The following SPATA31C2 variants were observed in gnomAD, a reference collection of about 807,000 sequenced individuals.
SPATA31C2 encodes spermatogenesis-associated protein 31C2.
SPATA31C2 carries 5 observed loss-of-function variants against 11.4 expected under a neutral mutation model. That is an observed-to-expected ratio of 0.44 (90% CI 0.23 to 0.92). The LOEUF is 0.92. Ranked by LOEUF, SPATA31C2 falls within the 40% of genes least tolerant of loss-of-function variation. SPATA31C2 has a pLI of 0.24. For synonymous variants in SPATA31C2, 515 were observed against 538.7 expected (o/e 0.96, Z 0.61); for missense variants, 1,353 against 1,368.6 (o/e 0.99, Z 0.18).
intron 1 of SPATA31C2, 129 bp from the exon 2 acceptor site, chr9:88,133,798 T>TC: frequency 7.4e-7 from 1 of 1,347,330 alleles, no homozygotes; most frequent in Middle Eastern, 1.9e-4. Context: ...GTGTGCTTCC[T>TC]CCCCTCCCAC....
At position 88,130,457 on chromosome 9, in the gene SPATA31C2, C is replaced by G. The variant is rs766798382; in HGVS notation, c.2580G>C (p.Glu860Asp). 1 of 1,613,330 alleles carries G rather than the reference C, an allele frequency of 6.2e-7. No homozygotes were observed. Among genetic ancestry groups the G allele is most frequent in the South Asian group, 1.1e-5 (1 of 91,066 alleles). ...CLMEEAVSEF[E>D]PGKATKSETQ... ...TCTCTGACTTCGTGGCCTTTCCAGG[C>G]TCAAATTCACTAACAGCCTCCTCCA... The change falls in exon 4 of 4, where the codon GAG (glutamate) becomes GAC (aspartate). Residue 860 changes from glutamate to aspartate, a missense_variant. Around this residue, in one of 6 missense-constraint regions of SPATA31C2, gnomAD observed 1,075 missense variants for 992.8 expected, o/e 1.08. Transcript: ENST00000324915.
rs538555577 is a variant in SPATA31C2 at position 88,132,330 on chromosome 9, C to G, written c.707G>C (p.Arg236Pro). 6.2e-7 allele frequency: 1 copy of G among 1,610,864 alleles called. No homozygotes were observed. Among genetic ancestry groups the G allele is most frequent in the East Asian group, 2.2e-5 (1 of 44,702 alleles). The stretch of plus-strand genomic sequence containing the variant: ...AGATGGTGTTAACAGAGTGGAGTCC[C>G]GCAGGGGAGGAGGAGTGAAGCCTTT... ...PPKGFTPPPL[R>P]DSTLLTPSHC... Residue 236 changes from arginine (R) to proline (P), a missense_variant, in exon 4 of 4, where the codon CGG (arginine) becomes CCG (proline). Coordinates refer to ENST00000324915, the MANE Select transcript of SPATA31C2 (RefSeq NM_001350978.3).
In SPATA31C2 at chr9:88,132,427, G is replaced by A. The variant is rs781139576; in HGVS notation, c.610C>T (p.Pro204Ser). The change falls in exon 4 of 4, where the codon CCC (proline) becomes TCC (serine). Residue 204 changes from proline to serine, a missense_variant. Pro to Ser is a moderately conservative substitution (Grantham distance 74). Around this residue, in one of 6 missense-constraint regions of SPATA31C2, gnomAD observed 1,075 missense variants for 992.8 expected, o/e 1.08. Coordinates refer to ENST00000324915, the MANE Select transcript of SPATA31C2 (RefSeq NM_001350978.3). ...TGAGGGAAAAGTGCAGGTGGCTCGG[G>A]TGAGGGATGTTCTAGGAGAAGGGAA... ...EPSLLLEHPS[P>S]EPPALFPHPP... 12 of 1,611,188 alleles carry A rather than the reference G, an allele frequency of 7.4e-6. No individual in the cohort carries two copies. The East Asian group carries it at 2.0e-4, about 27-fold the overall frequency.
chr9:88,129,617 G>C lies in SPATA31C2; in HGVS notation c.*15C>G, dbSNP rs774497697. On this transcript the variant is annotated 3_prime_UTR_variant, in exon 4 of 4. Coordinates refer to ENST00000324915, the MANE Select transcript of SPATA31C2 (RefSeq NM_001350978.3). ...GGCCCCATTGCTCATTGTTGCACCG[G>C]ACACTTTTCAAGGGCTACTGATCTC... 2.5e-6 allele frequency: 4 copies of C among 1,602,610 alleles called. No homozygotes were observed. In the African/African-American group the frequency reaches 4.0e-5, roughly 16 times the overall value.
intron 1 of SPATA31C2, among the ~76,000 whole-genome samples, chr9:88,137,464 A>G (rs1460440499): frequency 6.8e-6 from 1 of 145,990 alleles, no homozygotes; most frequent in African/African-American, 2.5e-5. Flanking sequence ...TCTACTAAAA[A>G]TACAAAAATT....
At chr9:88,133,792 G>T in intron 1 of SPATA31C2, 123 bp from the exon 2 acceptor site, 3 of 1,343,514 alleles carry the variant, frequency 2.2e-6, no homozygotes, top group Non-Finnish European at 3.1e-6. Flanking sequence ...AGCTCTGTGT[G>T]CTTCCTCCCC....
rs753285189 is a variant in SPATA31C2, at chr9:88,130,989, A to G, written c.2048T>C (p.Ile683Thr). ...QLEKVSSLSL[I>T]QLAGPSSDTC... ...GTCTGAGGAGGGACCAGCAAGCTGT[A>G]TAAGGGACAAGGATGAAACCTTTTC... The change falls in exon 4 of 4, where the codon ATA becomes ACA. Residue 683 changes from isoleucine (I) to threonine (T), a missense_variant. Transcript: ENST00000324915. The G allele has an allele frequency of 4.3e-6, 7 of 1,612,488 alleles. No homozygotes were observed. Among genetic ancestry groups the G allele is most frequent in the South Asian group, 3.3e-5 (3 of 91,016 alleles).
chr9:88,135,707 C>T (rs1174858026), intron 1 of SPATA31C2, among the ~76,000 whole-genome samples: 91 of 130,324 alleles, frequency 7.0e-4, no homozygotes, highest in Non-Finnish European at 1.1e-3. Flanking sequence ...TTAGTAGAGA[C>T]GGGGTTTCAC....
In SPATA31C2 at chr9:88,132,644, C is replaced by G. The variant is rs1400111081; in HGVS notation, c.393G>C (p.Glu131Asp). The G allele has an allele frequency of 6.2e-7, 1 of 1,609,048 alleles. No individual in the cohort carries two copies. Among genetic ancestry groups the G allele is most frequent in the African/African-American group, 1.3e-5 (1 of 74,194 alleles). ...GQLSGPDPPG[E>D]VGKRTPDGAS... Reference sequence around the variant, plus strand: ...CTCCATCAGGTGTTCTTTTGCCCACCTCACCTGGCGGGTCTGGACCAGAGA... The same window carrying G: ...CTCCATCAGGTGTTCTTTTGCCCACGTCACCTGGCGGGTCTGGACCAGAGA... Residue 131 changes from glutamate to aspartate, a missense_variant, in exon 4 of 4, where the codon GAG becomes GAC. Glu to Asp is a conservative substitution (Grantham distance 45). Coordinates refer to ENST00000324915, the MANE Select transcript of SPATA31C2 (RefSeq NM_001350978.3).
Position 88,131,877 on chromosome 9 carries a change from T to C in SPATA31C2, c.1160A>G (p.Gln387Arg). ...CTGAGTTTCAGGTAGGGAGAGAGCTTGCACTTTATTCTGCGACGCAGGGCA... is the reference window on the plus strand; with the variant it reads ...CTGAGTTTCAGGTAGGGAGAGAGCTCGCACTTTATTCTGCGACGCAGGGCA... ...VACPASQNKV[Q>R]ALSLPETQHP... The change falls in exon 4 of 4, where the codon CAA becomes CGA. Residue 387 changes from glutamine (Q) to arginine (R), a missense_variant. Physicochemically the swap from Gln to Arg is conservative, Grantham distance 43. This residue lies in a region of SPATA31C2 where 1,075 missense variants were observed against 992.8 expected (regional missense o/e 1.08). Transcript: ENST00000324915. 6.2e-7 allele frequency: 1 copy of C among 1,610,724 alleles called. No individual in the cohort carries two copies. Among genetic ancestry groups the C allele is most frequent in the Non-Finnish European group, 8.5e-7 (1 of 1,178,974 alleles).
intron 1 of SPATA31C2, among the ~76,000 whole-genome samples, chr9:88,135,604 C>T (rs375186558): frequency 2.2e-5 from 3 of 135,324 alleles, no homozygotes; most frequent in East Asian, 2.5e-4. Flanking sequence ...CTCCGCCTCC[C>T]GGGTTCCAGC....
In SPATA31C2 at chr9:88,130,697, G is replaced by A; in HGVS notation, c.2340C>T (p.Ser780=). 1 of 1,613,926 alleles carries A rather than the reference G, an allele frequency of 6.2e-7. No homozygotes were observed. Among genetic ancestry groups the A allele is most frequent in the Non-Finnish European group, 8.5e-7 (1 of 1,179,866 alleles). Residue 780 remains serine (S), a synonymous_variant, in exon 4 of 4, where the codon AGC becomes AGT. Coordinates refer to ENST00000324915, the MANE Select transcript of SPATA31C2 (RefSeq NM_001350978.3). ...SKPLTYSLTG[S]TQQSRSLGAQ... is the part of the protein sequence containing the mutation. ...CTCCTAAGCTCCTGCTCTGCTGGGT[G>A]CTGCCTGTGAGGCTGTATGTGAGGG... is the stretch of plus-strand genomic sequence containing the variant.
rs769903680 is a variant in SPATA31C2 at position 88,131,469 on chromosome 9, T to C, written c.1568A>G (p.Glu523Gly). The change falls in exon 4 of 4, where the codon GAG (glutamate) becomes GGG (glycine). Residue 523 changes from glutamate (E) to glycine (G), a missense_variant. By Grantham distance (98) the Glu-to-Gly change is moderately conservative. This residue lies in a region of SPATA31C2 where 1,075 missense variants were observed against 992.8 expected (regional missense o/e 1.08). Transcript: ENST00000324915. The part of the protein sequence containing the change: ...PCPHLGQILG[E>G]TPQNLSRGME... The stretch of plus-strand genomic sequence containing the variant: ...GCCCCTGGATAGATTTTGTGGGGTC[T>C]CACCCAGAATTTGCCCCAGATGTGG... 1 of 1,611,924 alleles carries C rather than the reference T, an allele frequency of 6.2e-7. No individual in the cohort carries two copies. The highest frequency in any genetic ancestry group is 8.5e-7 in the Non-Finnish European group (1 of 1,179,838).
At chr9:88,136,676 CTTTTT>C (rs1171417608) in intron 1 of SPATA31C2, among the ~76,000 whole-genome samples, 2 of 137,940 alleles carry the variant, frequency 1.4e-5, no homozygotes, top group African/African-American at 5.5e-5. Flanking sequence ...GAGATGTGAT[CTTTTT>C]TTTTTTTTTG....
rs776598006 is a variant in SPATA31C2 at position 88,129,614 on chromosome 9, C to T, written c.*18G>A. The stretch of plus-strand genomic sequence containing the variant: ...GCAGGCCCCATTGCTCATTGTTGCA[C>T]CGGACACTTTTCAAGGGCTACTGAT... On this transcript the variant is annotated 3_prime_UTR_variant, in exon 4 of 4. Transcript: ENST00000324915. 3 of 1,602,590 alleles carry T rather than the reference C, an allele frequency of 1.9e-6. No individual in the cohort carries two copies. Among genetic ancestry groups the T allele is most frequent in the South Asian group, 2.2e-5 (2 of 90,914 alleles).
Position 88,131,018 on chromosome 9 carries a change from T to G in SPATA31C2, c.2019A>C (p.Gln673His). The G allele has an allele frequency of 6.2e-7, 1 of 1,612,076 alleles. No individual in the cohort carries two copies. Residue 673 changes from glutamine (Q) to histidine (H), a missense_variant, in exon 4 of 4, where the codon CAA becomes CAC. Physicochemically the swap from Gln to His is conservative, Grantham distance 24. Coordinates refer to ENST00000324915, the MANE Select transcript of SPATA31C2 (RefSeq NM_001350978.3). Reference protein sequence around the residue: ...LRVLKPIQCFQLEKVSSLSLI... With the variant: ...LRVLKPIQCFHLEKVSSLSLI... ...GGGACAAGGATGAAACCTTTTCCAGTTGAAAGCACTGAATGGGCTTGAGGA... is the reference window on the plus strand; with the variant it reads ...GGGACAAGGATGAAACCTTTTCCAGGTGAAAGCACTGAATGGGCTTGAGGA...
rs1468667747 is a variant in SPATA31C2 at position 88,130,069 on chromosome 9, G to C, written c.2968C>G (p.Gln990Glu). The C allele has an allele frequency of 2.5e-6, 4 of 1,607,854 alleles. No individual in the cohort carries two copies. The Admixed American group carries it at 6.7e-5, about 27-fold the overall frequency. Reference protein sequence around the residue: ...TPGRKTEDTRQNEGVQLLPSK... With the variant: ...TPGRKTEDTRENEGVQLLPSK... ...GGCAGTAGCTGGACGCCTTCATTCT[G>C]ACGGGTGTCTTCTGTTTTCCTGCCT... The change falls in exon 4 of 4, where the codon CAG becomes GAG. Residue 990 changes from glutamine (Q) to glutamate (E), a missense_variant. By Grantham distance (29) the Gln-to-Glu change is conservative. Coordinates refer to ENST00000324915, the MANE Select transcript of SPATA31C2 (RefSeq NM_001350978.3).
intron 2 of SPATA31C2, 54 bp downstream of exon 2, chr9:88,133,540 C>T (rs1825634522): frequency 1.9e-6 from 3 of 1,561,128 alleles, no homozygotes; most frequent in Non-Finnish European, 2.6e-6. Flanking sequence ...GAGTCAGTTC[C>T]CTCCCGGACA....
Position 88,130,738 on chromosome 9 carries a change from T to A in SPATA31C2, c.2299A>T (p.Arg767Trp). 1.9e-6 allele frequency: 3 copies of A among 1,613,612 alleles called. No homozygotes were observed. The highest frequency in any genetic ancestry group is 1.7e-6 in the Non-Finnish European group (2 of 1,179,876). Residue 767 changes from arginine to tryptophan, a missense_variant, in exon 4 of 4, where the codon AGG becomes TGG. Around this residue, in one of 6 missense-constraint regions of SPATA31C2, gnomAD observed 1,075 missense variants for 992.8 expected, o/e 1.08. Coordinates refer to ENST00000324915, the MANE Select transcript of SPATA31C2 (RefSeq NM_001350978.3). ...LKAPTAGQEG[R>W]WPSKPLTYSL... The stretch of plus-strand genomic sequence containing the variant: ...TATGTGAGGGGCTTAGATGGCCACC[T>A]GCCCTCCTGTCCAGCTGTAGGAGCC...
Sources: gnomAD v4.1 joint callset for allele counts (sites outside exome capture counted in the v4.1 genomes callset) on GRCh38, gnomAD v4.1.1 for gene constraint, gnomAD v4.1.1 regional missense constraint, MANE v1.5 for transcripts, NCBI Gene and HGNC (gene_info 2026-07-23, HGNC 2026-07-21) for gene names.